The following LOC400499 variants were observed in gnomAD, a reference collection of about 807,000 sequenced individuals.
the LOC400499 span, among the ~76,000 whole-genome samples, chr16:11,420,720 T>TC: frequency 6.7e-6 from 1 of 149,014 alleles, no homozygotes; most frequent in Non-Finnish European, 1.5e-5. Flanking sequence ...GGCACCCTGG[T>TC]CCCCTGCAAC....
At chr16:11,430,196 G>A in the LOC400499 span, among the ~76,000 whole-genome samples, 529 of 152,206 alleles carry the variant, frequency 3.5e-3, 3 homozygotes, top group African/African-American at 0.012. Context: ...CCTTCAAAAT[G>A]TAAATATCTG....
At chr16:11,436,021 G>A in the LOC400499 span, 61 of 397,318 alleles carry the variant, frequency 1.5e-4, no homozygotes, top group Middle Eastern at 1.2e-3. Context: ...ACAATTAAGA[G>A]GAGAAATGAG....
the LOC400499 span, among the ~76,000 whole-genome samples, chr16:11,504,017 G>C: frequency 0.67 from 101,820 of 152,086 alleles, 34,513 homozygotes; most frequent in Admixed American, 0.75. Context: ...GGGTTCGGAA[G>C]ACGTGTGCAG....
At chr16:11,501,653 C>T in the LOC400499 span, among the ~76,000 whole-genome samples, 15 of 152,032 alleles carry the variant, frequency 9.9e-5, no homozygotes, top group Admixed American at 7.9e-4. Context: ...AGTCTCTTTA[C>T]CCGCCTTACT....
At chr16:11,384,062 G>A in the LOC400499 span, 117,923 of 1,231,336 alleles carry the variant, frequency 0.096, 5,888 homozygotes, top group Middle Eastern at 0.15. Flanking sequence ...TGGCTCCCCC[G>A]CGTACACTGG....
the LOC400499 span, chr16:11,465,243 C>T: frequency 6.6e-6 from 1 of 152,402 alleles, no homozygotes; most frequent in Admixed American, 6.5e-5. Context: ...TCTCCTGCCT[C>T]AGCCTCCCAA....
At chr16:11,375,993 G>T in the LOC400499 span, among the ~76,000 whole-genome samples, 1 of 152,014 alleles carries the variant, frequency 6.6e-6, no homozygotes, top group African/African-American at 2.4e-5. Context: ...CCTGCCTCGG[G>T]CTCCCAAAGT....
At chr16:11,463,513 T>C in the LOC400499 span, among the ~76,000 whole-genome samples, 1 of 151,310 alleles carries the variant, frequency 6.6e-6, no homozygotes, top group East Asian at 1.9e-4. Flanking sequence ...TATGAATGTG[T>C]GTATACATGG....
chr16:11,527,279 C>T, the LOC400499 span, among the ~76,000 whole-genome samples: 1 of 152,136 alleles, frequency 6.6e-6, no homozygotes. Flanking sequence ...CAGCTTTAAC[C>T]CACTCTCCCA....
At chr16:11,520,786 T>C in the LOC400499 span, among the ~76,000 whole-genome samples, 1 of 152,144 alleles carries the variant, frequency 6.6e-6, no homozygotes, top group African/African-American at 2.4e-5. Flanking sequence ...ACGTAGGTGT[T>C]TGGTTTATGA....
the LOC400499 span, among the ~76,000 whole-genome samples, chr16:11,396,100 T>A: frequency 1.3e-5 from 2 of 152,246 alleles, no homozygotes; most frequent in African/African-American, 4.8e-5. Flanking sequence ...CTCTAAGCGA[T>A]CTATGCCTAC....
At chr16:11,460,657 C>A in the LOC400499 span, 1 of 1,484,344 alleles carries the variant, frequency 6.7e-7, no homozygotes, top group Non-Finnish European at 9.0e-7. Context: ...GCCAGGCAGC[C>A]CTCCACCAGG....
At chr16:11,433,939 C>T in the LOC400499 span, among the ~76,000 whole-genome samples, 2 of 152,202 alleles carry the variant, frequency 1.3e-5, no homozygotes, top group Admixed American at 1.3e-4. Context: ...AAATGTTTCT[C>T]TGAGTTCTGT....
At chr16:11,478,840 C>T in the LOC400499 span, among the ~76,000 whole-genome samples, 10 of 152,058 alleles carry the variant, frequency 6.6e-5, no homozygotes, top group South Asian at 2.1e-4. Context: ...ATCATGGGGG[C>T]GGGTCCTTCC....
chr16:11,469,059 G>T, the LOC400499 span: 1 of 398,074 alleles, frequency 2.5e-6, no homozygotes, highest in Non-Finnish European at 4.4e-6. Context: ...CTGGCAGGTA[G>T]AAAGGGAAGA....
chr16:11,420,403 G>A, the LOC400499 span, among the ~76,000 whole-genome samples: 118,755 of 143,212 alleles, frequency 0.83, 49,626 homozygotes, highest in Non-Finnish European at 0.9. Flanking sequence ...ATGAGAACAC[G>A]TGGACACAGG....
At chr16:11,507,365 CCA>C in the LOC400499 span, among the ~76,000 whole-genome samples, 14,123 of 151,990 alleles carry the variant, frequency 0.093, 1,889 homozygotes, top group African/African-American at 0.3. Context: ...ACAGCCTCCC[CCA>C]CACACTCCAC....
chr16:11,386,383 A>G, the LOC400499 span, among the ~76,000 whole-genome samples: 1 of 152,252 alleles, frequency 6.6e-6, no homozygotes, highest in Non-Finnish European at 1.5e-5. Context: ...TGAGAGGCAC[A>G]GAGAAGCCCA....
the LOC400499 span, among the ~76,000 whole-genome samples, chr16:11,452,569 G>A: frequency 1.3e-5 from 2 of 152,230 alleles, no homozygotes; most frequent in African/African-American, 4.8e-5. Flanking sequence ...ACAGGCCTGG[G>A]TTTGGAACTC....
Sources: allele counts gnomAD v4.1 joint callset (sites outside exome capture counted in the v4.1 genomes callset), GRCh38; gene constraint gnomAD v4.1.1; transcripts MANE v1.5.